Variants in HRH3 observed in about 807,000 individuals in gnomAD.
The protein encoded by HRH3 is histamine receptor H3.
In HRH3, 13 loss-of-function variants were observed where a neutral mutation model predicts 21.6. The ratio of observed to expected loss-of-function variants is 0.60; its 90% CI spans 0.39 to 0.96. The LOEUF is 0.96. Ranked by LOEUF, HRH3 falls within the 40% of genes least tolerant of loss-of-function variation. The probability of loss-of-function intolerance (pLI) is 0.00; values close to 1 mark genes in which losing one functional copy is unlikely to be tolerated. For synonymous variants in HRH3, 276 were observed against 290.3 expected, an observed-to-expected ratio of 0.95 and a Z score of 0.50; for missense variants, 461 against 622.7, an observed-to-expected ratio of 0.74 and a Z score of 2.76.
chr20:62,216,913 G>T lies in HRH3; in HGVS notation c.431C>A (p.Ala144Asp). The change falls in exon 3 of 3, where the codon GCC (alanine) becomes GAC (aspartate). Residue 144 changes from alanine (A) to aspartate (D), a missense_variant. This residue lies in a region of HRH3 where 74 missense variants were observed against 86.6 expected (regional missense o/e 0.85). Coordinates refer to ENST00000340177, the MANE Select transcript of HRH3 (RefSeq NM_007232.3). ...LSVTRAVSYR[A>D]QQGDTRRAVR... ...TGCCCGCCGCGTGTCACCCTGCTGG[G>T]CCCGGTATGAGACCTGCAGAAGGGC... 6.2e-7 allele frequency: 1 copy of T among 1,603,780 alleles called. No individual in the cohort carries two copies.
chr20:62,214,998 C>T lies in HRH3; in HGVS notation c.*1008G>A, dbSNP rs966973623. ...AAAAATACACTTTATTGTGACCTCACGGTTTGCAGGGCAGCGCAGCGGGCA... is the reference window on the plus strand; with the variant it reads ...AAAAATACACTTTATTGTGACCTCATGGTTTGCAGGGCAGCGCAGCGGGCA... On this transcript the variant is annotated 3_prime_UTR_variant, in exon 3 of 3. Coordinates refer to ENST00000340177, the MANE Select transcript of HRH3 (RefSeq NM_007232.3). 4 of 234,320 alleles carry T rather than the reference C, an allele frequency of 1.7e-5. No individual in the cohort carries two copies. The highest frequency in any genetic ancestry group is 3.4e-5 in the Non-Finnish European group (4 of 116,136). The allele number at this position is 234,320 out of a possible 1,614,324, so 14.5% of individuals were successfully genotyped here.
In HRH3 at chr20:62,218,656, G is replaced by A. The variant is rs199633132; in HGVS notation, c.252C>T (p.Gly84=). 94 of 1,611,318 alleles carry A rather than the reference G, an allele frequency of 5.8e-5. No individual in the cohort carries two copies. Among genetic ancestry groups the A allele is most frequent in the Admixed American group, 5.5e-4 (33 of 59,990 alleles). Residue 84 remains glycine (G), a splice_region_variant and synonymous_variant, in exon 2 of 3, where the codon GGC becomes GGT. Transcript: ENST00000340177. The surrounding 1 kb of genome is among the most constrained non-coding windows in gnomAD (Gnocchi z 5.6). ...LNLAISDFLV[G]AFCIPLYVPY... is the part of the protein sequence containing the mutation. ...GTACATACAGTGGGATGCAGAAGGCGCCTGTGGGGAGTAGGGCCACAGTGG... is the reference window on the plus strand; with the variant it reads ...GTACATACAGTGGGATGCAGAAGGCACCTGTGGGGAGTAGGGCCACAGTGG...
chr20:62,217,910 C>A (rs1404684692), intron 2 of HRH3, among the ~76,000 whole-genome samples: 4 of 152,164 alleles, frequency 2.6e-5, no homozygotes, highest in African/African-American at 9.7e-5. Flanking sequence ...AACCAAACAA[C>A]CTGCCCTCAG....
rs543551440 is a variant in HRH3, at chr20:62,218,065, C to T, written c.417+426G>A. ...GGGCAGGGTCCCTGACTCAGGTGGC[C>T]GCTCCCACAAAGGGAAATCTGCGGA... On this transcript the variant is annotated intron_variant, in intron 2 of 2. Coordinates refer to ENST00000340177, the MANE Select transcript of HRH3 (RefSeq NM_007232.3). This position sits in a 1 kb window ranked among gnomAD's most constrained non-coding sequence, Gnocchi z 5.6. Among the ~76,000 whole-genome samples the T allele has an allele frequency of 1.4e-3, 210 of 152,284 alleles. 1 individual carries two copies. The highest frequency in any genetic ancestry group is 4.8e-3 in the African/African-American group (201 of 41,550).
In HRH3 at chr20:62,216,507, C is replaced by T. The variant is rs1978563209; in HGVS notation, c.837G>A (p.Glu279=). 3 of 1,586,046 alleles carry T rather than the reference C, an allele frequency of 1.9e-6. No individual in the cohort carries two copies. The highest frequency in any genetic ancestry group is 2.6e-6 in the Non-Finnish European group (3 of 1,166,996). Residue 279 remains glutamate (E), a synonymous_variant, in exon 3 of 3, where the codon GAG becomes GAA. Transcript: ENST00000340177. ...CCCCGGCCTCAGCGCCTACGGCCGC[C>T]TCACCCACCCCATACCTGTGCAGCG... ...AMPLHRYGVG[E]AAVGAEAGEA... is the part of the protein sequence containing the mutation.
At position 62,216,715 on chromosome 20, in the gene HRH3, G is replaced by A. The variant is rs1481644937; in HGVS notation, c.629C>T (p.Pro210Leu). The change falls in exon 3 of 3, where the codon CCC (proline) becomes CTC (leucine). Residue 210 changes from proline to leucine, a missense_variant. This residue lies in a region of HRH3 where 17 missense variants were observed against 54.0 expected (regional missense o/e 0.31). Transcript: ENST00000340177. ...ITASTLEFFT[P>L]FLSVTFFNLS... ...GTTAAAGAAGGTGACGCTGAGGAAG[G>A]GCGTAAAGAACTCCAGGGTGGAAGC... 2 of 1,613,196 alleles carry A rather than the reference G, an allele frequency of 1.2e-6. No homozygotes were observed. The highest frequency in any genetic ancestry group is 1.3e-5 in the African/African-American group (1 of 74,918).
Position 62,215,243 on chromosome 20 carries a change from GGCAGAA to G in HRH3, c.*757_*762del, listed in dbSNP as rs1252006967. On this transcript the variant is annotated 3_prime_UTR_variant, in exon 3 of 3. Transcript: ENST00000340177. Reference sequence around the variant, plus strand: ...CTGGTGTGAGCCCAGAGGCGGGGTGGGCAGAAGCAGCTGGCACAGCTCAGCCGGAAG... The same window carrying G: ...CTGGTGTGAGCCCAGAGGCGGGGTGGGCAGCTGGCACAGCTCAGCCGGAAG... 30 of 430,030 alleles carry G rather than the reference GGCAGAA, an allele frequency of 7.0e-5. No individual in the cohort carries two copies. The East Asian group carries it at 2.1e-3, about 30-fold the overall frequency. 26.6% of individuals were successfully genotyped at this position (430,030 alleles called of 1,614,324 possible). A position where few individuals can be genotyped will look rare whatever the true frequency, so the allele number is the denominator to read the frequency against.
At position 62,215,935 on chromosome 20, in the gene HRH3, G is replaced by T; in HGVS notation, c.*71C>A. On this transcript the variant is annotated 3_prime_UTR_variant, in exon 3 of 3. Coordinates refer to ENST00000340177, the MANE Select transcript of HRH3 (RefSeq NM_007232.3). ...CCCTGGGGGAACGAGCCGGGTAGGG[G>T]GCAGCAGGGCCAGATGCCCAGGAGA... 7.1e-7 allele frequency: 1 copy of T among 1,411,668 alleles called. No homozygotes were observed. Among genetic ancestry groups the T allele is most frequent in the Non-Finnish European group, 9.5e-7 (1 of 1,053,458 alleles). The allele number at this position is 1,411,668 out of a possible 1,614,324, so 87.4% of individuals were successfully genotyped here.
At position 62,218,533 on chromosome 20, in the gene HRH3, G is replaced by T; in HGVS notation, c.375C>A (p.Ile125=). ...YLLCTSSAFN[I]VLISYDRFLS... is the part of the protein sequence containing the mutation. ...GGAAGCGGTCGTAGCTGATGAGCAC[G>T]ATGTTGAAGGCAGAGGAGGTGCACA... is the stretch of plus-strand genomic sequence containing the variant. The change falls in exon 2 of 3, where the codon ATC becomes ATA. Residue 125 remains isoleucine, a synonymous_variant. Coordinates refer to ENST00000340177, the MANE Select transcript of HRH3 (RefSeq NM_007232.3). The surrounding 1 kb of genome is among the most constrained non-coding windows in gnomAD (Gnocchi z 5.6). 2 of 1,612,316 alleles carry T rather than the reference G, an allele frequency of 1.2e-6. No individual in the cohort carries two copies. Among genetic ancestry groups the T allele is most frequent in the Non-Finnish European group, 1.7e-6 (2 of 1,179,960 alleles).
rs1211616818 is a variant in HRH3, at chr20:62,218,629, G to T, written c.279C>A (p.Pro93=). Residue 93 remains proline, a synonymous_variant, in exon 2 of 3, where the codon CCC becomes CCA. Transcript: ENST00000340177. This position sits in a 1 kb window ranked among gnomAD's most constrained non-coding sequence, Gnocchi z 5.6. ...AGGTCCAGCGGCCTGTCAGCACGTA[G>T]GGTACATACAGTGGGATGCAGAAGG... ...VGAFCIPLYV[P]YVLTGRWTFG... 1 of 1,612,248 alleles carries T rather than the reference G, an allele frequency of 6.2e-7. No individual in the cohort carries two copies.
chr20:62,216,299 G>C lies in HRH3; in HGVS notation c.1045C>G (p.Arg349Gly), dbSNP rs754210266. Reference protein sequence around the residue: ...MVSQSFTQRFRLSRDRKVAKS... With the variant: ...MVSQSFTQRFGLSRDRKVAKS... Reference sequence around the variant, plus strand: ...GCCACTTTCCTGTCCCGAGACAGCCGAAAGCGCTGGGTGAAGCTCTGGGAC... The same window carrying C: ...GCCACTTTCCTGTCCCGAGACAGCCCAAAGCGCTGGGTGAAGCTCTGGGAC... The change falls in exon 3 of 3, where the codon CGG becomes GGG. Residue 349 changes from arginine (R) to glycine (G), a missense_variant. Coordinates refer to ENST00000340177, the MANE Select transcript of HRH3 (RefSeq NM_007232.3). 6.2e-7 allele frequency: 1 copy of C among 1,611,302 alleles called. No homozygotes were observed. The highest frequency in any genetic ancestry group is 8.5e-7 in the Non-Finnish European group (1 of 1,179,094).
Position 62,219,896 on chromosome 20 carries a change from C to A in HRH3, c.75G>T (p.Gly25=), listed in dbSNP as rs1190869693. 7.2e-7 allele frequency: 1 copy of A among 1,382,670 alleles called. No homozygotes were observed. The highest frequency in any genetic ancestry group is 3.5e-5 in the Admixed American group (1 of 28,718). The allele number at this position is 1,382,670 out of a possible 1,614,324, so 85.7% of individuals were successfully genotyped here. The change falls in exon 1 of 3, where the codon GGG becomes GGT. Residue 25 remains glycine, a synonymous_variant. Transcript: ENST00000340177. The surrounding 1 kb of genome is among the most constrained non-coding windows in gnomAD (Gnocchi z 8.7). Reference sequence around the variant, plus strand: ...TCCAGGCTGCCGAGAAGCCGCGCGCCCCGCCCGCCGCCGCCGCCTCGCCCG... The same window carrying A: ...TCCAGGCTGCCGAGAAGCCGCGCGCACCGCCCGCCGCCGCCGCCTCGCCCG... The part of the protein sequence containing the change: ...ALAGEAAAAG[G]ARGFSAAWTA...
Position 62,218,473 on chromosome 20 carries a change from C to A in HRH3, c.417+18G>T. The A allele has an allele frequency of 6.2e-7, 1 of 1,608,254 alleles. No homozygotes were observed. The highest frequency in any genetic ancestry group is 1.1e-5 in the South Asian group (1 of 90,650). On this transcript the variant is annotated intron_variant, in intron 2 of 2. Transcript: ENST00000340177. This position sits in a 1 kb window ranked among gnomAD's most constrained non-coding sequence, Gnocchi z 5.6. The stretch of plus-strand genomic sequence containing the variant: ...TGTCCCTGCGGAGTGAACAGGAGCT[C>A]CGCAGCCCAGGACTCACCGCTCGGG...
In HRH3 at chr20:62,219,107, G is replaced by A. The variant is rs1978700323; in HGVS notation, c.251-450C>T. ...GAGAAAGCCTTTCTCCTGGCTGAAA[G>A]GGCACTTGGTTGCAGCCGCCAGCCG... On this transcript the variant is annotated intron_variant, in intron 1 of 2. Transcript: ENST00000340177. This position sits in a 1 kb window ranked among gnomAD's most constrained non-coding sequence, Gnocchi z 8.7. Among the ~76,000 whole-genome samples the A allele has an allele frequency of 6.6e-6, 1 of 151,852 alleles. No homozygotes were observed. Among genetic ancestry groups the A allele is most frequent in the East Asian group, 1.9e-4 (1 of 5,158 alleles).
Position 62,216,533 on chromosome 20 carries a change from G to A in HRH3, c.811C>T (p.Pro271Ser), listed in dbSNP as rs745862366. ...CWQKGHGEAM[P>S]LHRYGVGEAA... ...TCACCCACCCCATACCTGTGCAGCGGCATGGCCTCCCCGTGCCCCTTCTGC... is the reference window on the plus strand; with the variant it reads ...TCACCCACCCCATACCTGTGCAGCGACATGGCCTCCCCGTGCCCCTTCTGC... The change falls in exon 3 of 3, where the codon CCG becomes TCG. Residue 271 changes from proline (P) to serine (S), a missense_variant. Coordinates refer to ENST00000340177, the MANE Select transcript of HRH3 (RefSeq NM_007232.3). The A allele has an allele frequency of 1.9e-6, 3 of 1,599,702 alleles. No individual in the cohort carries two copies. Among genetic ancestry groups the A allele is most frequent in the African/African-American group, 1.3e-5 (1 of 74,704 alleles).
At position 62,219,518 on chromosome 20, in the gene HRH3, C is replaced by T. The variant is rs1978722209; in HGVS notation, c.250+203G>A. Among the ~76,000 whole-genome samples, 1 of 152,134 alleles carries T rather than the reference C, an allele frequency of 6.6e-6. No individual in the cohort carries two copies. Among genetic ancestry groups the T allele is most frequent in the Non-Finnish European group, 1.5e-5 (1 of 68,008 alleles). On this transcript the variant is annotated intron_variant, in intron 1 of 2. Coordinates refer to ENST00000340177, the MANE Select transcript of HRH3 (RefSeq NM_007232.3). The surrounding 1 kb of genome is among the most constrained non-coding windows in gnomAD (Gnocchi z 8.7). ...GTGTCCCTTCCCGGGGACATCTCTC[C>T]CCAGCCCCTGTCCCGAGGCCTGAGT...
rs533782229 is a variant in HRH3 at position 62,219,060 on chromosome 20, C to G, written c.251-403G>C. Among the ~76,000 whole-genome samples the G allele has an allele frequency of 4.4e-4, 67 of 152,048 alleles. No individual in the cohort carries two copies. Among genetic ancestry groups the G allele is most frequent in the Non-Finnish European group, 7.2e-4 (49 of 67,942 alleles). On this transcript the variant is annotated intron_variant, in intron 1 of 2. Coordinates refer to ENST00000340177, the MANE Select transcript of HRH3 (RefSeq NM_007232.3). This position sits in a 1 kb window ranked among gnomAD's most constrained non-coding sequence, Gnocchi z 8.7. ...AGCCCCTACCCTGGCGCTGGACAAC[C>G]CTCGGTCTCAGCTTAGACAAGGAGA...
chr20:62,215,020 G>T lies in HRH3; in HGVS notation c.*986C>A, dbSNP rs1978473999. 2 of 259,114 alleles carry T rather than the reference G, an allele frequency of 7.7e-6. No homozygotes were observed. The highest frequency in any genetic ancestry group is 1.9e-4 in the East Asian group (2 of 10,762). The allele number at this position is 259,114 out of a possible 1,614,324, so 16.1% of individuals were successfully genotyped here. A position where few individuals can be genotyped will look rare whatever the true frequency, so the allele number is the denominator to read the frequency against. ...TCACGGTTTGCAGGGCAGCGCAGCGGGCACAGGCAGAGGAGCATGCAGAGC... is the reference window on the plus strand; with the variant it reads ...TCACGGTTTGCAGGGCAGCGCAGCGTGCACAGGCAGAGGAGCATGCAGAGC... On this transcript the variant is annotated 3_prime_UTR_variant, in exon 3 of 3. Coordinates refer to ENST00000340177, the MANE Select transcript of HRH3 (RefSeq NM_007232.3).
Position 62,216,162 on chromosome 20 carries a change from G to A in HRH3, c.1182C>T (p.Tyr394=), listed in dbSNP as rs767802174. The A allele has an allele frequency of 6.2e-6, 10 of 1,613,248 alleles. No homozygotes were observed. Among genetic ancestry groups the A allele is most frequent in the Non-Finnish European group, 7.6e-6 (9 of 1,180,002 alleles). ...CHGHCVPDYW[Y]ETSFWLLWAN... ...CCCACAGGAGCCAGAAGGAGGTTTC[G>A]TACCAGTAGTCAGGGACGCAGTGGC... The change falls in exon 3 of 3, where the codon TAC becomes TAT. Residue 394 remains tyrosine (Y), a synonymous_variant. Coordinates refer to ENST00000340177, the MANE Select transcript of HRH3 (RefSeq NM_007232.3).
Sources: gnomAD v4.1 joint callset for allele counts (sites outside exome capture counted in the v4.1 genomes callset) on GRCh38, gnomAD v4.1.1 for gene constraint, gnomAD v4.1.1 regional missense constraint, Gnocchi (gnomAD v3.1) non-coding constraint, MANE v1.5 for transcripts, NCBI Gene and HGNC (gene_info 2026-07-23, HGNC 2026-07-21) for gene names.